Variants in SEC14L1 observed in about 807,000 individuals in gnomAD.
SEC14L1 encodes the protein SEC14 like lipid binding 1, also known as SEC14-like protein 1.
A neutral mutation model predicts 85.3 loss-of-function variants in SEC14L1; 48 were observed. The observed-to-expected ratio is 0.56, with a 90% CI of 0.45 to 0.72. The LOEUF (loss-of-function observed/expected upper bound fraction) is 0.72. SEC14L1 is among the 30% of genes least tolerant of loss of function. The pLI, the probability that SEC14L1 is intolerant of heterozygous loss-of-function variation, is 0.00. For missense variants in SEC14L1, 682 were observed against 921.4 expected, an observed-to-expected ratio of 0.74 and a Z score of 3.36; for synonymous variants, 391 against 355.5, an observed-to-expected ratio of 1.10 and a Z score of -1.12.
At chr17:77,118,526 CCAAGGG>C (rs1397554161) in intron 3 of SEC14L1, among the ~76,000 whole-genome samples, 1 of 152,194 alleles carries the variant, frequency 6.6e-6, no homozygotes, top group Non-Finnish European at 1.5e-5. Flanking sequence ...CTCATACGTT[CCAAGGG>C]CAATGGACAT....
At chr17:77,123,759 G>A (rs1363473696) in intron 3 of SEC14L1, among the ~76,000 whole-genome samples, 1 of 152,132 alleles carries the variant, frequency 6.6e-6, no homozygotes, top group Non-Finnish European at 1.5e-5. Flanking sequence ...GGATGTGTTA[G>A]AATCAGGTCC....
At chr17:77,180,082 T>TGTTATGTTATGTTAC (rs1436091973) in intron 3 of SEC14L1, among the ~76,000 whole-genome samples, 21 of 145,324 alleles carry the variant, frequency 1.4e-4, no homozygotes, top group Non-Finnish European at 2.9e-4. Flanking sequence ...TGTTATGTTA[T>TGTTATGTTATGTTAC]GTTATGTTAT....
chr17:77,156,988 T>C (rs1181117191), intron 3 of SEC14L1, among the ~76,000 whole-genome samples: 1 of 152,256 alleles, frequency 6.6e-6, no homozygotes, highest in African/African-American at 2.4e-5. Context: ...AGTAAAATTC[T>C]TGACTCTGGT....
chr17:77,145,467 G>A (rs1308869849), intron 3 of SEC14L1, among the ~76,000 whole-genome samples: 3 of 152,154 alleles, frequency 2.0e-5, no homozygotes, highest in African/African-American at 4.8e-5. Context: ...GTGTGTGTGG[G>A]TAAGAAGCTC....
In SEC14L1 at chr17:77,215,440, T is replaced by C; in HGVS notation, c.*1417T>C. On this transcript the variant is annotated 3_prime_UTR_variant, in exon 17 of 17. Transcript: ENST00000436233. The stretch of plus-strand genomic sequence containing the variant: ...TGCGTGGTAGGCATGGAGATCCTGG[T>C]TGTGCCGTCTCAGCTCCGCTCTGAA... 1.0e-6 allele frequency: 1 copy of C among 985,454 alleles called. No homozygotes were observed. Among genetic ancestry groups the C allele is most frequent in the Non-Finnish European group, 1.2e-6 (1 of 830,030 alleles). The allele number at this position is 985,454 out of a possible 1,614,324, so 61.0% of individuals were successfully genotyped here.
rs57813047 is a variant in SEC14L1, at chr17:77,190,961, C to T, written c.213+9C>T. 0.02 allele frequency: 31,924 copies of T among 1,612,546 alleles called. 539 individuals carry two copies. Among genetic ancestry groups the T allele is most frequent in the African/African-American group, 0.072 (5,398 of 74,502 alleles). ...CCAGACTGCTGAAGAAGGTAAAGGT[C>T]GGAAAGGACGTCTTGGAGGGAAAGG... On this transcript the variant is annotated intron_variant, in intron 4 of 16. Transcript: ENST00000436233.
At chr17:77,190,989 G>C in intron 4 of SEC14L1, 37 bp downstream of exon 4, 1 of 1,606,892 alleles carries the variant, frequency 6.2e-7, no homozygotes, top group Non-Finnish European at 8.5e-7. Context: ...GGGAAAGGGC[G>C]TCCTGGTGGG....
intron 3 of SEC14L1, chr17:77,094,174 G>A (rs117883614): frequency 0.021 from 3,202 of 152,140 alleles, 72 homozygotes; most frequent in Admixed American, 0.053. Flanking sequence ...CTGCCACAAC[G>A]CCCAGCTAAT....
At chr17:77,138,935 A>G (rs151178251), upstream of SEC14L1, among the ~76,000 whole-genome samples, 243 of 152,354 alleles carry the variant, frequency 1.6e-3, 2 homozygotes, top group African/African-American at 5.6e-3. Context: ...TGCAAATCAT[A>G]AATGAATGTA....
intron 2 of SEC14L1, chr17:77,090,195 G>A (rs2143260084): frequency 6.6e-6 from 1 of 152,276 alleles, no homozygotes; most frequent in East Asian, 1.9e-4. Context: ...AAGAGGCTGA[G>A]GCAGGAGAAT....
Position 77,206,976 on chromosome 17 carries a change from T to C in SEC14L1, c.1476+114T>C, listed in dbSNP as rs879716248. On this transcript the variant is annotated intron_variant, in intron 13 of 16. Coordinates refer to ENST00000436233, the MANE Select transcript of SEC14L1 (RefSeq NM_001143998.2). The surrounding 1 kb of genome is among the most constrained non-coding windows in gnomAD (Gnocchi z 4.3). ...TCCAGTTGTTTGGATGTTTTGTTTT[T>C]GTTTTGTTTCTTTTGGCCGCCATTT... 1.5e-4 allele frequency: 184 copies of C among 1,214,904 alleles called. No individual in the cohort carries two copies. The highest frequency in any genetic ancestry group is 2.0e-4 in the Non-Finnish European group (178 of 893,288). The allele number at this position is 1,214,904 out of a possible 1,614,324, so 75.3% of individuals were successfully genotyped here.
Position 77,215,141 on chromosome 17 carries a change from CTTAG to C in SEC14L1, c.*1121_*1124del. ...GCTGGGGGGACGGGGTGAGTGGAAA[CTTAG>C]TTTGAGTAATGAAGGAATCTTCACA... On this transcript the variant is annotated 3_prime_UTR_variant, in exon 17 of 17. Transcript: ENST00000436233. The C allele has an allele frequency of 1.0e-6, 1 of 985,242 alleles. No homozygotes were observed. The highest frequency in any genetic ancestry group is 1.2e-6 in the Non-Finnish European group (1 of 829,968). The allele number at this position is 985,242 out of a possible 1,614,324, so 61.0% of individuals were successfully genotyped here.
At chr17:77,193,682 C>A in intron 6 of SEC14L1, 133 bp downstream of exon 6, 1 of 917,174 alleles carries the variant, frequency 1.1e-6, no homozygotes, top group Non-Finnish European at 1.6e-6. Context: ...TGATCCCTAC[C>A]CCCTGCCTCA....
chr17:77,211,257 TCA>T (rs1976737130), intron 14 of SEC14L1: 1 of 152,538 alleles, frequency 6.6e-6, no homozygotes, highest in African/African-American at 2.4e-5. Flanking sequence ...GGTGGAGTTT[TCA>T]GTGACTGCAG....
intron 3 of SEC14L1, among the ~76,000 whole-genome samples, chr17:77,149,095 C>T (rs1383598774): frequency 6.6e-6 from 1 of 152,184 alleles, no homozygotes; most frequent in Non-Finnish European, 1.5e-5. Flanking sequence ...TTCCACACGT[C>T]CCCGATGCCT....
intron 3 of SEC14L1, among the ~76,000 whole-genome samples, chr17:77,112,118 C>T (rs971278516): frequency 3.3e-5 from 5 of 152,060 alleles, no homozygotes; most frequent in African/African-American, 9.7e-5. Context: ...TTTATAAGGG[C>T]CCTTTCCCCG....
chr17:77,114,735 T>C (rs1269782910), intron 3 of SEC14L1, among the ~76,000 whole-genome samples: 2 of 147,252 alleles, frequency 1.4e-5, no homozygotes, highest in African/African-American at 5.1e-5. Context: ...CTTGGGAGGC[T>C]GAGGCAGGAG....
intron 3 of SEC14L1, among the ~76,000 whole-genome samples, chr17:77,186,619 A>G (rs1295751676): frequency 1.3e-5 from 2 of 152,228 alleles, no homozygotes; most frequent in Non-Finnish European, 2.9e-5. Flanking sequence ...GTGGAGAGAA[A>G]GTGAGATACA....
At chr17:77,142,557 CAA>C (rs757563624) in intron 1 of SEC14L1, 87 bp from the exon 2 acceptor site, 14,839 of 77,794 alleles carry the variant, frequency 0.19, 672 homozygotes, top group Middle Eastern at 0.26. Context: ...CACCCTGTCT[CAA>C]AAAAAAAAAA....
Sources: allele counts gnomAD v4.1 joint callset (sites outside exome capture counted in the v4.1 genomes callset), GRCh38; gene constraint gnomAD v4.1.1; non-coding constraint Gnocchi (gnomAD v3.1); transcripts MANE v1.5; gene names NCBI Gene and HGNC (gene_info 2026-07-23, HGNC 2026-07-21).